The following SAMD5 variants were observed in gnomAD, a reference collection of about 807,000 sequenced individuals.
SAMD5 encodes the protein sterile alpha motif domain containing 5, also known as sterile alpha motif domain-containing protein 5.
SAMD5 carries 13 observed loss-of-function variants against 11.3 expected under a neutral mutation model. That is an observed-to-expected ratio of 1.15 (90% CI 0.75 to 1.83). The LOEUF is 1.83. SAMD5 is among the 40% of genes most tolerant of loss of function. The probability of loss-of-function intolerance (pLI) is 0.00; values close to 1 mark genes in which losing one functional copy is unlikely to be tolerated. For synonymous variants in SAMD5, 129 were observed against 111.3 expected (o/e 1.16, Z -1.00); for missense variants, 255 against 239.1 (o/e 1.07, Z -0.44).
At chr6:147,857,966 G>T in the SAMD5 span, among the ~76,000 whole-genome samples, 2 of 148,016 alleles carry the variant, frequency 1.4e-5, no homozygotes, top group Non-Finnish European at 3.0e-5. Context: ...CAGTCTGATT[G>T]TTGCCTCATC....
At chr6:147,934,275 A>C in the SAMD5 span, among the ~76,000 whole-genome samples, 1 of 152,146 alleles carries the variant, frequency 6.6e-6, no homozygotes, top group African/African-American at 2.4e-5. Context: ...ACTTTGAAAA[A>C]AATTAGAATC....
chr6:147,836,184 T>C, the SAMD5 span, among the ~76,000 whole-genome samples: 1 of 152,234 alleles, frequency 6.6e-6, no homozygotes, highest in African/African-American at 2.4e-5. Context: ...CTGATTCCTT[T>C]AGCCACATAG....
At chr6:147,881,647 T>A in the SAMD5 span, among the ~76,000 whole-genome samples, 1 of 152,214 alleles carries the variant, frequency 6.6e-6, no homozygotes, top group Non-Finnish European at 1.5e-5. Context: ...CAATAGCTGC[T>A]GGCTGTGTTC....
At chr6:147,912,602 G>A in the SAMD5 span, among the ~76,000 whole-genome samples, 19 of 152,110 alleles carry the variant, frequency 1.2e-4, no homozygotes, top group African/African-American at 4.6e-4. Context: ...CCAACAATAC[G>A]AAAGTACAGA....
At chr6:147,778,199 AACTT>A in the SAMD5 span, among the ~76,000 whole-genome samples, 1 of 152,088 alleles carries the variant, frequency 6.6e-6, no homozygotes, top group African/African-American at 2.4e-5. Flanking sequence ...TTGTCTTCCA[AACTT>A]GTCATCACTG....
intron 1 of SAMD5, among the ~76,000 whole-genome samples, chr6:147,525,721 A>G (rs1245608454): frequency 6.6e-6 from 1 of 152,112 alleles, no homozygotes; most frequent in Non-Finnish European, 1.5e-5. Context: ...ACAAAGTCTG[A>G]TGAAGAGAGA....
chr6:147,551,747 G>A (rs9497805), intron 1 of SAMD5, among the ~76,000 whole-genome samples: 3,225 of 147,590 alleles, frequency 0.022, 119 homozygotes, highest in African/African-American at 0.076. Context: ...GATCTCAAAC[G>A]AAATGAAAAG....
chr6:147,748,492 C>G, the SAMD5 span, among the ~76,000 whole-genome samples: 3 of 152,260 alleles, frequency 2.0e-5, no homozygotes, highest in South Asian at 6.2e-4. Context: ...GTGGTAAGTA[C>G]TACATAAGTG....
the SAMD5 span, among the ~76,000 whole-genome samples, chr6:147,914,635 T>C: frequency 1.4e-4 from 21 of 152,248 alleles, no homozygotes; most frequent in East Asian, 1.7e-3. Flanking sequence ...CATTGCTAAA[T>C]GTAGGGGAAA....
At chr6:147,580,552 T>G (rs998911356) in intron 1 of SAMD5, among the ~76,000 whole-genome samples, 2 of 152,246 alleles carry the variant, frequency 1.3e-5, no homozygotes, top group African/African-American at 2.4e-5. Flanking sequence ...CGCTGGTCAC[T>G]GGGGTAGCCC....
intron 1 of SAMD5, among the ~76,000 whole-genome samples, chr6:147,584,359 ATTCT>A (rs1335319084): frequency 6.6e-6 from 1 of 152,162 alleles, no homozygotes; most frequent in African/African-American, 2.4e-5. Flanking sequence ...TGATGAGGAA[ATTCT>A]TTAATCTTTG....
chr6:147,942,157 G>A, the SAMD5 span, among the ~76,000 whole-genome samples: 4 of 152,156 alleles, frequency 2.6e-5, no homozygotes, highest in East Asian at 5.8e-4. Flanking sequence ...GATTACAGGC[G>A]TGAGCCACTG....
the SAMD5 span, among the ~76,000 whole-genome samples, chr6:147,872,766 G>A: frequency 1.3e-5 from 2 of 152,110 alleles, no homozygotes; most frequent in South Asian, 4.1e-4. Context: ...ATGGCACTGT[G>A]TTCAGGCCAC....
the SAMD5 span, among the ~76,000 whole-genome samples, chr6:147,746,679 A>G: frequency 6.6e-6 from 1 of 152,224 alleles, no homozygotes; most frequent in African/African-American, 2.4e-5. Context: ...AGAAACTATC[A>G]TGGAAGGTCT....
At chr6:147,909,213 A>C in the SAMD5 span, among the ~76,000 whole-genome samples, 1 of 152,164 alleles carries the variant, frequency 6.6e-6, no homozygotes, top group South Asian at 2.1e-4. Flanking sequence ...AACAACAAAA[A>C]AACTAGGCCT....
intron 1 of SAMD5, among the ~76,000 whole-genome samples, chr6:147,579,705 C>T (rs1789268802): frequency 6.6e-6 from 1 of 152,100 alleles, no homozygotes; most frequent in Admixed American, 6.6e-5. Flanking sequence ...GATCCACCTG[C>T]CTCGGCCTCC....
chr6:147,906,758 G>A, the SAMD5 span, among the ~76,000 whole-genome samples: 1 of 152,170 alleles, frequency 6.6e-6, no homozygotes, highest in Non-Finnish European at 1.5e-5. Flanking sequence ...CACACTTCCA[G>A]AAAAGTCTCG....
chr6:147,700,125 T>C (rs547257334), intron 1 of SAMD5, among the ~76,000 whole-genome samples: 23 of 152,300 alleles, frequency 1.5e-4, no homozygotes, highest in African/African-American at 5.3e-4. Context: ...TTAAAAAAGA[T>C]CCCTTGCCTT....
chr6:147,947,665 C>T, the SAMD5 span: 1 of 152,078 alleles, frequency 6.6e-6, no homozygotes, highest in Non-Finnish European at 1.5e-5. Context: ...CAATCTTGTT[C>T]AGATTTTTTC....
Sources: allele counts gnomAD v4.1 joint callset (sites outside exome capture counted in the v4.1 genomes callset), GRCh38; gene constraint gnomAD v4.1.1; transcripts MANE v1.5; gene names NCBI Gene and HGNC (gene_info 2026-07-23, HGNC 2026-07-21).